SBNO1: variants seen among roughly 807,000 people sequenced by gnomAD.
SBNO1 encodes protein strawberry notch homolog 1.
Under a neutral mutation model 173.6 loss-of-function variants are expected in SBNO1, and 23 were observed. That is an observed-to-expected ratio of 0.13 (90% CI 0.10 to 0.19). The LOEUF is 0.19. SBNO1 is among the 10% of genes least tolerant of loss of function. SBNO1 has a pLI of 1.00. For synonymous variants in SBNO1, 632 were observed against 571.5 expected (o/e 1.11, Z -1.51); for missense variants, 1,238 against 1,671.2 (o/e 0.74, Z 4.52).
At chr12:123,333,595 G>A (rs1459209278) in intron 7 of SBNO1, among the ~76,000 whole-genome samples, 1 of 151,818 alleles carries the variant, frequency 6.6e-6, no homozygotes, top group Admixed American at 6.6e-5. Flanking sequence ...TTCCTGGGCT[G>A]AGGTGATTCC....
At chr12:123,303,577 A>G in intron 29 of SBNO1, among the ~76,000 whole-genome samples, 1 of 152,214 alleles carries the variant, frequency 6.6e-6, no homozygotes, top group East Asian at 1.9e-4. Flanking sequence ...TGAACCCGGG[A>G]GGCGGAGGTT....
At position 123,317,246 on chromosome 12, in the gene SBNO1, G is replaced by A. The variant is rs749709434; in HGVS notation, c.2910C>T (p.Ser970=). 29 of 1,613,882 alleles carry A rather than the reference G, an allele frequency of 1.8e-5. No individual in the cohort carries two copies. The highest frequency in any genetic ancestry group is 2.4e-5 in the Non-Finnish European group (28 of 1,179,940). The stretch of plus-strand genomic sequence containing the variant: ...CGAACTGTTGAATTGCTCTATCAGC[G>A]CTCCAAGGTAATTCTAAAGTCATAT... The part of the protein sequence containing the change: ...RVHMTLELPW[S]ADRAIQQFGR... Residue 970 remains serine (S), a synonymous_variant, in exon 21 of 32, where the codon AGC becomes AGT. Transcript: ENST00000602398.
chr12:123,306,857 C>A (rs2048927704), intron 28 of SBNO1, among the ~76,000 whole-genome samples: 1 of 151,768 alleles, frequency 6.6e-6, no homozygotes, highest in Admixed American at 6.6e-5. Flanking sequence ...TAATGACATG[C>A]AAATCAACCT....
intron 1 of SBNO1, among the ~76,000 whole-genome samples, chr12:123,352,410 G>GAA (rs1873981703): frequency 1.1e-4 from 16 of 151,472 alleles, no homozygotes; most frequent in African/African-American, 2.4e-5. Context: ...CTCCCGGGCT[G>GAA]ATGCTCCTGC....
intron 1 of SBNO1, among the ~76,000 whole-genome samples, chr12:123,353,035 C>T (rs145193031): frequency 1.4e-3 from 207 of 152,232 alleles, no homozygotes; most frequent in Non-Finnish European, 2.3e-3. Context: ...TGGGCTCAGG[C>T]AATCCGTCCG....
intron 30 of SBNO1, 37 bp from the exon 31 acceptor site, chr12:123,298,208 A>G: frequency 6.5e-7 from 1 of 1,536,030 alleles, no homozygotes; most frequent in African/African-American, 1.4e-5. Context: ...ATGAGTGTCT[A>G]TATATGCACA....
rs768775716 is a variant in SBNO1, at chr12:123,320,679, G to C, written c.2491+20C>G. The C allele has an allele frequency of 6.3e-7, 1 of 1,594,298 alleles. No homozygotes were observed. Among genetic ancestry groups the C allele is most frequent in the Non-Finnish European group, 8.5e-7 (1 of 1,172,448 alleles). Reference sequence around the variant, plus strand: ...TTTGTTTAAAACAGTATTTCAAAAAGGAAGTTTCTGTATGGATACCTGGTG... The same window carrying C: ...TTTGTTTAAAACAGTATTTCAAAAACGAAGTTTCTGTATGGATACCTGGTG... On this transcript the variant is annotated intron_variant, in intron 18 of 31. Coordinates refer to ENST00000602398, the MANE Select transcript of SBNO1 (RefSeq NM_001167856.3).
rs370886331 is a variant in SBNO1, at chr12:123,348,094, C to T, written c.172G>A (p.Glu58Lys). ...LSALELGLET[E>K]AAVPVKQEPE... ...TCTTGTTTAACAGGAACTGCTGCTT[C>T]GGTCTCCAAACCTAGTTCTAATGCA... The change falls in exon 3 of 32, where the codon GAA becomes AAA. Residue 58 changes from glutamate (E) to lysine (K), a missense_variant. Around this residue, in one of 14 missense-constraint regions of SBNO1, gnomAD observed 287 missense variants for 274.1 expected, o/e 1.05. Coordinates refer to ENST00000602398, the MANE Select transcript of SBNO1 (RefSeq NM_001167856.3). 254 of 1,611,652 alleles carry T rather than the reference C, an allele frequency of 1.6e-4. No homozygotes were observed. The highest frequency in any genetic ancestry group is 2.0e-4 in the Non-Finnish European group (241 of 1,178,206).
chr12:123,339,527 T>C (rs983309047), intron 5 of SBNO1, among the ~76,000 whole-genome samples: 9 of 152,002 alleles, frequency 5.9e-5, no homozygotes, highest in African/African-American at 1.9e-4. Context: ...ACAGGGCACC[T>C]TGGCCTCCCA....
intron 1 of SBNO1, among the ~76,000 whole-genome samples, chr12:123,356,939 T>C (rs1487239418): frequency 6.6e-6 from 1 of 152,228 alleles, no homozygotes; most frequent in Non-Finnish European, 1.5e-5. Flanking sequence ...GTGCTAAGCA[T>C]GTCTGATTCG....
intron 2 of SBNO1, among the ~76,000 whole-genome samples, chr12:123,349,577 T>C (rs1285265231): frequency 7.7e-6 from 1 of 129,490 alleles, no homozygotes; most frequent in Non-Finnish European, 1.5e-5. Context: ...GTTTTGGTTT[T>C]CATTATTATT....
intron 5 of SBNO1, among the ~76,000 whole-genome samples, chr12:123,340,299 G>C (rs1872372558): frequency 6.6e-6 from 1 of 152,104 alleles, no homozygotes; most frequent in Non-Finnish European, 1.5e-5. Context: ...ATTCTAACCA[G>C]GCCGGGTGCA....
intron 20 of SBNO1, among the ~76,000 whole-genome samples, chr12:123,319,156 GT>G (rs1340694159): frequency 1.3e-5 from 2 of 151,852 alleles, no homozygotes; most frequent in Admixed American, 1.3e-4. Context: ...TAGAGATGGG[GT>G]TTCACCACCA....
At chr12:123,364,547 G>C (rs1199748294) in intron 1 of SBNO1, 154 bp downstream of exon 1, 4 of 983,578 alleles carry the variant, frequency 4.1e-6, no homozygotes, top group Non-Finnish European at 4.8e-6. Context: ...GGAGCGCGCG[G>C]CCGCGAGGAG....
intron 24 of SBNO1, among the ~76,000 whole-genome samples, chr12:123,313,085 C>G (rs1377174446): frequency 6.6e-6 from 1 of 151,798 alleles, no homozygotes; most frequent in African/African-American, 2.4e-5. Context: ...TGCCTGTAAT[C>G]TCAGCTACTC....
At chr12:123,311,730 A>ATCTATCTC (rs1868578176) in intron 24 of SBNO1, among the ~76,000 whole-genome samples, 1 of 122,134 alleles carries the variant, frequency 8.2e-6, no homozygotes, top group Non-Finnish European at 1.8e-5. Flanking sequence ...CTATATATAT[A>ATCTATCTC]TATATATATA....
At chr12:123,298,274 T>TC (rs1402765830) in intron 30 of SBNO1, 103 bp from the exon 31 acceptor site, 1 of 1,213,120 alleles carries the variant, frequency 8.2e-7, no homozygotes, top group African/African-American at 1.6e-5. Context: ...TCTTTTCTTT[T>TC]TTTTTTGTTG....
chr12:123,347,863 T>G (rs1196691946), intron 3 of SBNO1, among the ~76,000 whole-genome samples, 166 bp downstream of exon 3: 1 of 152,168 alleles, frequency 6.6e-6, no homozygotes, highest in Non-Finnish European at 1.5e-5. Flanking sequence ...GATGGGGTCC[T>G]GCCATTTTGC....
In SBNO1 at chr12:123,364,398, G is replaced by A. The variant is rs1875844791; in HGVS notation, c.-1+303C>T. The A allele has an allele frequency of 3.0e-6, 3 of 985,414 alleles. No individual in the cohort carries two copies. The South Asian group carries it at 1.4e-4, about 46-fold the overall frequency. 61.0% of individuals were successfully genotyped at this position (985,414 alleles called of 1,614,324 possible). A position where few individuals can be genotyped will look rare whatever the true frequency, so the allele number is the denominator to read the frequency against. The stretch of plus-strand genomic sequence containing the variant: ...GCACAGACCCTGCCCCGCGGTCCAA[G>A]AGGGGTGCCTCCGGCCCGGGACAGC... On this transcript the variant is annotated intron_variant, in intron 1 of 31. Coordinates refer to ENST00000602398, the MANE Select transcript of SBNO1 (RefSeq NM_001167856.3).
Sources: allele counts gnomAD v4.1 joint callset (sites outside exome capture counted in the v4.1 genomes callset), GRCh38; gene constraint gnomAD v4.1.1; regional missense constraint gnomAD v4.1.1; transcripts MANE v1.5; gene names NCBI Gene and HGNC (gene_info 2026-07-23, HGNC 2026-07-21).